Variants in DSCAML1 observed in about 807,000 individuals in gnomAD.
DSCAML1 encodes DS cell adhesion molecule like 1.
DSCAML1 carries 38 observed loss-of-function variants against 200.5 expected under a neutral mutation model. That is an observed-to-expected ratio of 0.19 (90% confidence interval 0.15 to 0.25). The LOEUF (loss-of-function observed/expected upper bound fraction) is 0.25, where lower values mean the gene tolerates loss of function less well. Ranked by LOEUF, DSCAML1 falls within the 10% of genes least tolerant of loss-of-function variation. DSCAML1 has a pLI of 1.00. For missense variants in DSCAML1, 2,223 were observed against 2,858.8 expected, an observed-to-expected ratio of 0.78 and a Z score of 5.07; for synonymous variants, 1,215 against 1,165.0, an observed-to-expected ratio of 1.04 and a Z score of -0.87.
intron 8 of DSCAML1, among the ~76,000 whole-genome samples, chr11:117,507,905 C>T (rs1213018668): frequency 6.6e-6 from 1 of 152,174 alleles, no homozygotes; most frequent in African/African-American, 2.4e-5. Context: ...AGTGGTTTAT[C>T]GGGCCTTAGA....
intron 3 of DSCAML1, among the ~76,000 whole-genome samples, chr11:117,626,186 CACTCTTGCTGAGACCCCCCCCCCT>C (rs1269930593): frequency 7.1e-6 from 1 of 140,648 alleles, no homozygotes; most frequent in East Asian, 2.2e-4. Flanking sequence ...TAGCACAGCC[CACTCTTGCTGAGACCCCCCCCCCT>C]CCTTCTTCTG....
chr11:117,473,483 C>T (rs770935287), intron 14 of DSCAML1, among the ~76,000 whole-genome samples: 3 of 151,976 alleles, frequency 2.0e-5, no homozygotes, highest in Non-Finnish European at 4.4e-5. Flanking sequence ...GGCAACAGAA[C>T]GAGACTCCAT....
intron 3 of DSCAML1, among the ~76,000 whole-genome samples, chr11:117,662,733 A>T (rs767551230): frequency 6.6e-6 from 1 of 152,216 alleles, no homozygotes; most frequent in Non-Finnish European, 1.5e-5. Context: ...CAAACCGAAG[A>T]TGTGGAATGC....
intron 8 of DSCAML1, among the ~76,000 whole-genome samples, chr11:117,509,201 C>A (rs1269698943): frequency 2.6e-5 from 4 of 152,034 alleles, no homozygotes; most frequent in African/African-American, 9.7e-5. Flanking sequence ...CTGGGGGTGA[C>A]TGCAGCTTCA....
chr11:117,491,514 C>G (rs1393881949), intron 11 of DSCAML1, among the ~76,000 whole-genome samples: 1 of 152,174 alleles, frequency 6.6e-6, no homozygotes, highest in Non-Finnish European at 1.5e-5. Flanking sequence ...GCTTGTAATC[C>G]CAGCACTTTG....
intron 3 of DSCAML1, among the ~76,000 whole-genome samples, chr11:117,768,891 TA>T (rs1359200053): frequency 6.6e-6 from 1 of 150,932 alleles, no homozygotes; most frequent in African/African-American, 2.4e-5. Context: ...AGTTTTAAAA[TA>T]TGGTGAAACC....
intron 11 of DSCAML1, among the ~76,000 whole-genome samples, chr11:117,502,022 A>G (rs1395152078): frequency 6.6e-6 from 1 of 152,190 alleles, no homozygotes; most frequent in Non-Finnish European, 1.5e-5. Context: ...TTTGTGCAGC[A>G]TGTGTTCAGG....
At chr11:117,442,510 G>A (rs536331287) in intron 21 of DSCAML1, among the ~76,000 whole-genome samples, 3 of 152,238 alleles carry the variant, frequency 2.0e-5, no homozygotes, top group South Asian at 4.1e-4. Flanking sequence ...TGTGCAGTGT[G>A]TGTGTGCGTG....
intron 2 of DSCAML1, among the ~76,000 whole-genome samples, chr11:117,779,087 T>C (rs965286198): frequency 6.6e-6 from 1 of 152,196 alleles, no homozygotes; most frequent in East Asian, 1.9e-4. Flanking sequence ...AGAGGGTCTG[T>C]CACCACATGC....
chr11:117,641,871 T>C (rs10450624), intron 3 of DSCAML1, among the ~76,000 whole-genome samples: 1 of 152,114 alleles, frequency 6.6e-6, no homozygotes. Context: ...AGGCCCTTCA[T>C]GGTGCTGAGA....
At chr11:117,511,631 GCA>G (rs1015781801) in intron 8 of DSCAML1, among the ~76,000 whole-genome samples, 19 of 152,082 alleles carry the variant, frequency 1.2e-4, no homozygotes, top group Non-Finnish European at 2.4e-4. Context: ...ATATGCCAAG[GCA>G]CACACAGCCT....
rs112584824 is a variant in DSCAML1, at chr11:117,667,506, G to A, written c.511+109285C>T. Among the ~76,000 whole-genome samples the A allele has an allele frequency of 4.6e-3, 707 of 152,318 alleles. 7 individuals carry two copies. Among genetic ancestry groups the A allele is most frequent in the South Asian group, 0.024 (118 of 4,826 alleles). On this transcript the variant is annotated intron_variant, in intron 3 of 32. Coordinates refer to ENST00000651296, the MANE Select transcript of DSCAML1 (RefSeq NM_020693.4). ...GGGCCAGCTTGCCAGGGTGGCCGGG[G>A]CTGGGGGCGGTGCTCATCTCCTTGG... is the stretch of plus-strand genomic sequence containing the variant.
chr11:117,669,661 G>A (rs919282253), intron 3 of DSCAML1, among the ~76,000 whole-genome samples: 1 of 152,260 alleles, frequency 6.6e-6, no homozygotes, highest in African/African-American at 2.4e-5. Context: ...GATGGACAAG[G>A]GGTGCTTTAG....
At chr11:117,723,633 C>G (rs1263824717) in intron 3 of DSCAML1, among the ~76,000 whole-genome samples, 1 of 152,204 alleles carries the variant, frequency 6.6e-6, no homozygotes, top group African/African-American at 2.4e-5. Context: ...GTTTTAGAAG[C>G]CTGCCCGGGG....
intron 3 of DSCAML1, among the ~76,000 whole-genome samples, chr11:117,770,102 C>G (rs1025351967): frequency 6.6e-6 from 1 of 152,228 alleles, no homozygotes; most frequent in African/African-American, 2.4e-5. Context: ...GAGGGCCCGT[C>G]TCCTTCAGCA....
At chr11:117,442,307 A>G (rs199949629) in intron 21 of DSCAML1, among the ~76,000 whole-genome samples, 2 of 145,108 alleles carry the variant, frequency 1.4e-5, no homozygotes, top group Non-Finnish European at 3.0e-5. Context: ...ATGTGTGCAT[A>G]TGTGTATGCA....
intron 16 of DSCAML1, 94 bp from the exon 17 acceptor site, chr11:117,465,276 C>A: frequency 6.6e-7 from 1 of 1,518,392 alleles, no homozygotes; most frequent in East Asian, 2.3e-5. Context: ...CTCCTCTGCC[C>A]CAGCCCTTCA....
In DSCAML1 at chr11:117,469,961, C is replaced by G; in HGVS notation, c.2973G>C (p.Met991Ile). 1 of 1,605,954 alleles carries G rather than the reference C, an allele frequency of 6.2e-7. No homozygotes were observed. The highest frequency in any genetic ancestry group is 8.5e-7 in the Non-Finnish European group (1 of 1,174,732). Residue 991 changes from methionine (M) to isoleucine (I), a missense_variant, in exon 16 of 33, where the codon ATG (methionine) becomes ATC (isoleucine). Coordinates refer to ENST00000651296, the MANE Select transcript of DSCAML1 (RefSeq NM_020693.4). The surrounding 1 kb of genome is among the most constrained non-coding windows in gnomAD (Gnocchi z 4.1). ...TEEAAPDGPP[M>I]DVTLQPVTSQ... Reference sequence around the variant, plus strand: ...AGGTCACTGGCTGCAAGGTAACATCCATGGGGGGCCCATCGGGAGCTGAGC... The same window carrying G: ...AGGTCACTGGCTGCAAGGTAACATCGATGGGGGGCCCATCGGGAGCTGAGC...
intron 3 of DSCAML1, among the ~76,000 whole-genome samples, chr11:117,633,971 A>G (rs909745441): frequency 6.6e-6 from 1 of 152,184 alleles, no homozygotes; most frequent in Non-Finnish European, 1.5e-5. Context: ...ATTCAAGTTC[A>G]ATTTCAACAA....
Sources: allele counts gnomAD v4.1 joint callset (sites outside exome capture counted in the v4.1 genomes callset), GRCh38; gene constraint gnomAD v4.1.1; non-coding constraint Gnocchi (gnomAD v3.1); transcripts MANE v1.5; gene names NCBI Gene and HGNC (gene_info 2026-07-23, HGNC 2026-07-21).